The following BAZ2B variants were observed in gnomAD, a reference collection of about 807,000 sequenced individuals.
BAZ2B encodes the protein bromodomain adjacent to zinc finger domain 2B.
BAZ2B carries 91 observed loss-of-function variants against 246.0 expected under a neutral mutation model. The ratio of observed to expected loss-of-function variants is 0.37; its 90% CI spans 0.31 to 0.44. The LOEUF (loss-of-function observed/expected upper bound fraction) is 0.44, where lower values mean the gene tolerates loss of function less well. Ranked by LOEUF, BAZ2B falls within the 20% of genes least tolerant of loss-of-function variation. The pLI, the probability that BAZ2B is intolerant of heterozygous loss-of-function variation, is 1.00. For missense variants in BAZ2B, 2,332 were observed against 2,533.7 expected (o/e 0.92, Z 1.71); for synonymous variants, 855 against 860.0 (o/e 0.99, Z 0.10).
At chr2:159,424,452 T>C (rs1391259524) in intron 13 of BAZ2B, among the ~76,000 whole-genome samples, 1 of 152,162 alleles carries the variant, frequency 6.6e-6, no homozygotes, top group Non-Finnish European at 1.5e-5. Context: ...ATGCAGGTAT[T>C]ATCTTCTAGC....
chr2:159,646,146 C>T, the BAZ2B span, among the ~76,000 whole-genome samples: 9,117 of 152,182 alleles, frequency 0.06, 325 homozygotes, highest in East Asian at 0.14. Flanking sequence ...AGAAGACGGC[C>T]ACACCCAAGG....
chr2:159,564,844 GAGAAATGACCA>G (rs2090211583), intron 1 of BAZ2B, among the ~76,000 whole-genome samples: 1 of 152,134 alleles, frequency 6.6e-6, no homozygotes, highest in Non-Finnish European at 1.5e-5. Context: ...CATGAGGACT[GAGAAATGACCA>G]CTGGATTTAG....
chr2:159,702,127 C>T, the BAZ2B span, among the ~76,000 whole-genome samples: 1 of 152,184 alleles, frequency 6.6e-6, no homozygotes, highest in South Asian at 2.1e-4. Context: ...TTAAATTCTA[C>T]ATTTGGTTCT....
intron 13 of BAZ2B, among the ~76,000 whole-genome samples, chr2:159,418,239 T>C (rs1387040409): frequency 1.3e-5 from 2 of 152,248 alleles, no homozygotes; most frequent in African/African-American, 2.4e-5. Flanking sequence ...TATTTCTTTT[T>C]AGTGAGTTCT....
intron 2 of BAZ2B, among the ~76,000 whole-genome samples, chr2:159,547,374 A>G (rs1389793375): frequency 6.6e-6 from 1 of 152,156 alleles, no homozygotes; most frequent in Non-Finnish European, 1.5e-5. Context: ...CAACAAAAAA[A>G]ATTTTCCATT....
At position 159,573,670 on chromosome 2, in the gene BAZ2B, T is replaced by C. The variant is rs537912574; in HGVS notation, c.-45-17805A>G. On this transcript the variant is annotated intron_variant, in intron 1 of 36. Transcript: ENST00000392783. Reference sequence around the variant, plus strand: ...AAGGAAAAATAGATAACGTGGACTTTTGTCCTTCAAAGGACACTATCAAGA... The same window carrying C: ...AAGGAAAAATAGATAACGTGGACTTCTGTCCTTCAAAGGACACTATCAAGA... Among the ~76,000 whole-genome samples, 102 of 152,360 alleles carry C rather than the reference T, an allele frequency of 6.7e-4. 1 individual carries two copies. The highest frequency in any genetic ancestry group is 2.2e-3 in the Admixed American group (33 of 15,300).
chr2:159,352,486 C>CTT (rs111657452), intron 27 of BAZ2B, among the ~76,000 whole-genome samples: 5 of 143,344 alleles, frequency 3.5e-5, no homozygotes, highest in Admixed American at 7.0e-5. Context: ...ATGTCTATAT[C>CTT]TTTTTTTTTT....
chr2:159,491,715 C>T (rs2080503217), intron 2 of BAZ2B, among the ~76,000 whole-genome samples: 1 of 25,188 alleles, frequency 4.0e-5, no homozygotes, highest in Non-Finnish European at 7.4e-5. Context: ...AGCGAGACTC[C>T]GTCTCAAAAA....
intron 2 of BAZ2B, among the ~76,000 whole-genome samples, chr2:159,506,322 T>C (rs941036456): frequency 1.3e-5 from 2 of 152,144 alleles, no homozygotes; most frequent in Admixed American, 1.3e-4. Context: ...AAACTGGACC[T>C]AGCAATGGAA....
intron 1 of BAZ2B, among the ~76,000 whole-genome samples, chr2:159,581,068 G>A (rs1315529924): frequency 2.6e-5 from 4 of 152,218 alleles, no homozygotes; most frequent in African/African-American, 9.6e-5. Context: ...TTGACAAATG[G>A]GATCTAATTA....
intron 5 of BAZ2B, among the ~76,000 whole-genome samples, 160 bp downstream of exon 5, chr2:159,448,082 C>A (rs144164467): frequency 1.8e-4 from 28 of 152,214 alleles, no homozygotes; most frequent in African/African-American, 6.5e-4. Flanking sequence ...TATGATCATA[C>A]AACTGTACTC....
chr2:159,634,512 A>G, the BAZ2B span, among the ~76,000 whole-genome samples: 1 of 152,224 alleles, frequency 6.6e-6, no homozygotes, highest in African/African-American at 2.4e-5. Context: ...CATATTATAC[A>G]TTGTTGATAT....
chr2:159,605,494 G>T (rs75911908), intron 1 of BAZ2B, among the ~76,000 whole-genome samples: 9,705 of 152,102 alleles, frequency 0.064, 994 homozygotes, highest in African/African-American at 0.22. Flanking sequence ...ATGCTACTTG[G>T]AACAAATAAA....
intron 1 of BAZ2B, among the ~76,000 whole-genome samples, chr2:159,564,276 T>C (rs1176618911): frequency 6.6e-6 from 1 of 151,936 alleles, no homozygotes; most frequent in Non-Finnish European, 1.5e-5. Flanking sequence ...CAGAGTAAGA[T>C]AGGGGGTAGG....
At chr2:159,381,907 G>A (rs1425886904) in intron 25 of BAZ2B, among the ~76,000 whole-genome samples, 1 of 152,116 alleles carries the variant, frequency 6.6e-6, no homozygotes, top group African/African-American at 2.4e-5. Context: ...CTTTACCCAG[G>A]TTAATGTTCA....
chr2:159,522,526 T>G (rs1367019378), intron 2 of BAZ2B, among the ~76,000 whole-genome samples: 1 of 152,220 alleles, frequency 6.6e-6, no homozygotes, highest in Non-Finnish European at 1.5e-5. Context: ...ACTACGTTAA[T>G]GTCTAACCTC....
chr2:159,433,013 C>G lies in BAZ2B; in HGVS notation c.1644G>C (p.Gln548His), dbSNP rs1009959560. 4.3e-6 allele frequency: 7 copies of G among 1,614,018 alleles called. No individual in the cohort carries two copies. Among genetic ancestry groups the G allele is most frequent in the Non-Finnish European group, 5.9e-6 (7 of 1,180,032 alleles). Residue 548 changes from glutamine (Q) to histidine (H), a missense_variant, in exon 9 of 37, where the codon CAG (glutamine) becomes CAC (histidine). Gln to His is a conservative substitution (Grantham distance 24). Around this residue, in one of 9 missense-constraint regions of BAZ2B, gnomAD observed 651 missense variants for 650.9 expected, o/e 1.00. Coordinates refer to ENST00000392783, the MANE Select transcript of BAZ2B (RefSeq NM_013450.4). ...GAGAGGCAGAGGGCATTACAGGTGT[C>G]TGATTGCCAGGGGTTCTTCTCCCAC... is the stretch of plus-strand genomic sequence containing the variant. ...STSGRRTPGN[Q>H]TPVMPSASPI...
chr2:159,382,038 A>C (rs757094700), intron 25 of BAZ2B, among the ~76,000 whole-genome samples: 2 of 152,182 alleles, frequency 1.3e-5, no homozygotes, highest in African/African-American at 2.4e-5. Context: ...CTCTCAAAGC[A>C]GTTATCACAT....
At chr2:159,586,127 T>C (rs1687957773) in intron 1 of BAZ2B, among the ~76,000 whole-genome samples, 3 of 152,218 alleles carry the variant, frequency 2.0e-5, no homozygotes, top group Non-Finnish European at 4.4e-5. Flanking sequence ...GCTTTAACTT[T>C]AAAATTTCAC....
Sources: gnomAD v4.1 joint callset for allele counts (sites outside exome capture counted in the v4.1 genomes callset) on GRCh38, gnomAD v4.1.1 for gene constraint, gnomAD v4.1.1 regional missense constraint, MANE v1.5 for transcripts, NCBI Gene and HGNC (gene_info 2026-07-23, HGNC 2026-07-21) for gene names.